Variants in MPV17 observed in about 807,000 individuals in gnomAD.
MPV17 encodes mitochondrial inner membrane protein MPV17.
Under a neutral mutation model 28.6 loss-of-function variants are expected in MPV17, and 31 were observed. That is an observed-to-expected ratio of 1.08 (90% CI 0.81 to 1.46). The LOEUF (loss-of-function observed/expected upper bound fraction) is 1.46. MPV17 is among the 40% of genes most tolerant of loss of function. The pLI is 0.00. For missense variants in MPV17, 198 were observed against 216.2 expected, an observed-to-expected ratio of 0.92 and a Z score of 0.53; for synonymous variants, 87 against 85.3, an observed-to-expected ratio of 1.02 and a Z score of -0.11.
At chr2:27,319,330 G>A (rs1439369697) in intron 2 of MPV17, among the ~76,000 whole-genome samples, 1 of 151,172 alleles carries the variant, frequency 6.6e-6, no homozygotes, top group African/African-American at 2.4e-5. Flanking sequence ...AATAAAGCTT[G>A]GGCAATATGG....
At chr2:27,312,911 G>A (rs1679508539) in intron 3 of MPV17, 83 bp downstream of exon 3, 1 of 1,559,082 alleles carries the variant, frequency 6.4e-7, no homozygotes, top group African/African-American at 1.4e-5. Flanking sequence ...GCTTAGGTGT[G>A]AGAGTCCAAG....
intron 7 of MPV17, among the ~76,000 whole-genome samples, chr2:27,310,326 C>T (rs1679383041): frequency 1.3e-5 from 2 of 152,258 alleles, no homozygotes; most frequent in South Asian, 2.1e-4. Flanking sequence ...GAACTCCTGA[C>T]CTCAAGTGAG....
Position 27,312,426 on chromosome 2 carries a change from A to T in MPV17, c.375+68T>A, listed in dbSNP as rs531025023. 5.2e-6 allele frequency: 8 copies of T among 1,553,062 alleles called. No homozygotes were observed. In the Admixed American group the frequency reaches 1.2e-4, roughly 23 times the overall value. On this transcript the variant is annotated intron_variant, in intron 5 of 7. Transcript: ENST00000380044. ...CTTACCCCCTTTTTTATCCCTGTAAAACCTGTCTTCTTCCCCTGGGCTGTC... is the reference window on the plus strand; with the variant it reads ...CTTACCCCCTTTTTTATCCCTGTAATACCTGTCTTCTTCCCCTGGGCTGTC...
Position 27,311,630 on chromosome 2 carries a change from C to T in MPV17, c.461+269G>A, listed in dbSNP as rs779028523. ...GTCCCTCCAGATATGCCATCAAAGA[C>T]GGAGCTCAGGTGGGATGGAGACAAG... On this transcript the variant is annotated intron_variant, in intron 7 of 7. Coordinates refer to ENST00000380044, the MANE Select transcript of MPV17 (RefSeq NM_002437.5). 67 of 1,550,464 alleles carry T rather than the reference C, an allele frequency of 4.3e-5. No homozygotes were observed. The Middle Eastern group carries it at 5.0e-4, about 12-fold the overall frequency.
chr2:27,314,395 T>TA (rs1435319798), intron 2 of MPV17, among the ~76,000 whole-genome samples: 1 of 152,194 alleles, frequency 6.6e-6, no homozygotes. Context: ...GTTGAGCTGA[T>TA]AAGAGTCCCC....
intron 2 of MPV17, among the ~76,000 whole-genome samples, chr2:27,321,353 G>A (rs1173168733): frequency 6.6e-6 from 1 of 152,178 alleles, no homozygotes; most frequent in African/African-American, 2.4e-5. Context: ...ACTGGAGAGG[G>A]GCCCAGGGAA....
At chr2:27,314,217 C>A (rs573408123) in intron 2 of MPV17, among the ~76,000 whole-genome samples, 1 of 152,236 alleles carries the variant, frequency 6.6e-6, no homozygotes, top group African/African-American at 2.4e-5. Context: ...GTAGTCCCAG[C>A]TACTCAGGAG....
At chr2:27,316,024 G>A (rs1679636731) in intron 2 of MPV17, 2 of 1,546,842 alleles carry the variant, frequency 1.3e-6, no homozygotes, top group Admixed American at 2.0e-5. Flanking sequence ...GGAGGCCCCT[G>A]TGGCTGCTCC....
chr2:27,321,605 T>TC (rs1235099929), intron 2 of MPV17, among the ~76,000 whole-genome samples: 1 of 152,160 alleles, frequency 6.6e-6, no homozygotes, highest in East Asian at 1.9e-4. Context: ...CTTCTGACAT[T>TC]CCCCCTCTAA....
chr2:27,313,353 T>C (rs1400880782), intron 2 of MPV17: 3 of 804,608 alleles, frequency 3.7e-6, no homozygotes, highest in East Asian at 5.4e-5. Context: ...GAACTTTGCA[T>C]TGAGCAGTAA....
At chr2:27,316,149 T>C (rs1167998114) in intron 2 of MPV17, 1 of 1,551,182 alleles carries the variant, frequency 6.4e-7, no homozygotes, top group Non-Finnish European at 8.7e-7. Context: ...ATCATTCTGC[T>C]CCTTGTCACC....
chr2:27,313,025 A>T lies in MPV17; in HGVS notation c.155T>A (p.Leu52Gln). 6.2e-7 allele frequency: 1 copy of T among 1,614,240 alleles called. No homozygotes were observed. Among genetic ancestry groups the T allele is most frequent in the Non-Finnish European group, 8.5e-7 (1 of 1,180,032 alleles). Residue 52 changes from leucine to glutamine, a missense_variant, in exon 3 of 8, where the codon CTG (leucine) becomes CAG (glutamine). Coordinates refer to ENST00000380044, the MANE Select transcript of MPV17 (RefSeq NM_002437.5). ...GLQEHQRGRT[L>Q]TMVSLGCGFV... The stretch of plus-strand genomic sequence containing the variant: ...GCCACAGCCCAGGGACACCATGGTC[A>T]GAGTCCGGCCTCTCTGGTGTTCCTG...
In MPV17 at chr2:27,322,645, G is replaced by A; in HGVS notation, c.-5-123C>T. 35 of 761,330 alleles carry A rather than the reference G, an allele frequency of 4.6e-5. No individual in the cohort carries two copies. The South Asian group carries it at 5.2e-4, about 11-fold the overall frequency. The allele number at this position is 761,330 out of a possible 1,614,324, so 47.2% of individuals were successfully genotyped here. A position where few individuals can be genotyped will look rare whatever the true frequency, so the allele number is the denominator to read the frequency against. The stretch of plus-strand genomic sequence containing the variant: ...ACTTCCAATGTGACTTAAAGGGGCA[G>A]AGGCCACATGAAGGATGCTTCCCAG... On this transcript the variant is annotated intron_variant, in intron 1 of 7. Transcript: ENST00000380044.
intron 1 of MPV17, 64 bp from the exon 2 acceptor site, chr2:27,322,586 G>T (rs1048259363): frequency 7.3e-7 from 1 of 1,369,402 alleles, no homozygotes; most frequent in South Asian, 1.2e-5. Context: ...GAAGCCGCCT[G>T]ACATTCCCTT....
At chr2:27,319,190 C>A (rs1679765036) in intron 2 of MPV17, among the ~76,000 whole-genome samples, 1 of 152,000 alleles carries the variant, frequency 6.6e-6, no homozygotes, top group South Asian at 2.1e-4. Flanking sequence ...TGGGATCACT[C>A]CCTACTACCT....
intron 2 of MPV17, 86 bp from the exon 3 acceptor site, chr2:27,313,195 T>C: frequency 6.2e-7 from 1 of 1,602,704 alleles, no homozygotes; most frequent in Non-Finnish European, 8.5e-7. Context: ...TGACCTCCAC[T>C]GAGGCTCTGG....
chr2:27,310,064 G>T, intron 7 of MPV17, 83 bp from the exon 8 acceptor site: 1 of 1,058,062 alleles, frequency 9.5e-7, no homozygotes, highest in Non-Finnish European at 1.5e-6. Context: ...AAATGGCAAA[G>T]GAGGGATCAT....
intron 7 of MPV17, 146 bp downstream of exon 7, chr2:27,311,753 C>A (rs182628880): frequency 3.5e-5 from 54 of 1,556,622 alleles, no homozygotes; most frequent in Admixed American, 3.3e-4. Flanking sequence ...CTGAATAACA[C>A]GCTTGGGAAT....
chr2:27,311,827 T>C (rs1679449711), intron 7 of MPV17, 72 bp downstream of exon 7: 1 of 1,581,672 alleles, frequency 6.3e-7, no homozygotes, highest in Middle Eastern at 1.7e-4. Context: ...AAGGTTGAAA[T>C]GAGAATCATT....
Sources: gnomAD v4.1 joint callset for allele counts (sites outside exome capture counted in the v4.1 genomes callset) on GRCh38, gnomAD v4.1.1 for gene constraint, MANE v1.5 for transcripts, NCBI Gene and HGNC (gene_info 2026-07-23, HGNC 2026-07-21) for gene names.